PTRH1: variants seen among roughly 807,000 people sequenced by gnomAD.
The protein encoded by PTRH1 is peptidyl-tRNA hydrolase.
In PTRH1, 13 loss-of-function variants were observed where a neutral mutation model predicts 15.7. That is an observed-to-expected ratio of 0.83 (90% CI 0.54 to 1.31). PTRH1 has a LOEUF of 1.31. Among genes scored for constraint, PTRH1 ranks in the 40% most tolerant of loss-of-function variants. The probability of loss-of-function intolerance (pLI) is 0.00; values close to 1 mark genes in which losing one functional copy is unlikely to be tolerated. For synonymous variants in PTRH1, 139 were observed against 136.7 expected, an observed-to-expected ratio of 1.02 and a Z score of -0.12; for missense variants, 319 against 296.2, an observed-to-expected ratio of 1.08 and a Z score of -0.56.
intron 1 of PTRH1, among the ~76,000 whole-genome samples, chr9:127,704,535 GA>G (rs963118840): frequency 2.0e-5 from 3 of 148,382 alleles, no homozygotes; most frequent in Non-Finnish European, 4.5e-5. Context: ...AAAAGAAAAA[GA>G]AAAAAAATGT....
downstream of PTRH1, chr9:127,711,177 A>G: frequency 1.3e-6 from 2 of 1,589,226 alleles, no homozygotes; most frequent in Non-Finnish European, 8.6e-7. Context: ...GGGTGTGCCC[A>G]GGGCTTGTGC....
chr9:127,713,759 G>C, downstream of PTRH1: 1 of 1,249,284 alleles, frequency 8.0e-7, no homozygotes, highest in Non-Finnish European at 1.2e-6. Flanking sequence ...CCCCAGCCTC[G>C]GCCTCCCAAA....
intron 1 of PTRH1, chr9:127,695,327 A>G (rs1026885400): frequency 8.4e-5 from 49 of 580,018 alleles, no homozygotes; most frequent in Non-Finnish European, 1.4e-4. Context: ...AGAGCACATT[A>G]TGGGAGGACA....
intron 3 of PTRH1, 50 bp from the exon 4 acceptor site, chr9:127,714,474 T>A (rs1233556879): frequency 6.2e-7 from 1 of 1,609,428 alleles, no homozygotes; most frequent in Non-Finnish European, 8.5e-7. Flanking sequence ...GGCAGTGTCC[T>A]TCCACCCCTC....
intron 1 of PTRH1, among the ~76,000 whole-genome samples, chr9:127,699,713 G>A (rs1842590090): frequency 6.7e-6 from 1 of 148,222 alleles, no homozygotes; most frequent in Non-Finnish European, 1.5e-5. Context: ...TGGGCTATCA[G>A]GGGAAAAAAA....
chr9:127,696,456 A>T (rs1842560546), intron 1 of PTRH1, among the ~76,000 whole-genome samples: 1 of 152,204 alleles, frequency 6.6e-6, no homozygotes, highest in African/African-American at 2.4e-5. Context: ...ACACATGGGG[A>T]AGCAAAACCA....
chr9:127,699,450 G>A (rs554638895), intron 1 of PTRH1, among the ~76,000 whole-genome samples: 2 of 152,230 alleles, frequency 1.3e-5, no homozygotes, highest in Admixed American at 6.5e-5. Flanking sequence ...GCTAGTAAGC[G>A]TCTACTAGCC....
chr9:127,712,983 G>A (rs370617973), downstream of PTRH1: 16 of 1,604,572 alleles, frequency 1.0e-5, no homozygotes, highest in South Asian at 4.5e-5. Flanking sequence ...AACCTGGCTC[G>A]CCGAAGGCTC....
intron 1 of PTRH1, among the ~76,000 whole-genome samples, chr9:127,704,095 G>A (rs1294098198): frequency 2.0e-5 from 3 of 152,180 alleles, no homozygotes; most frequent in East Asian, 1.9e-4. Context: ...AAACTTCCAC[G>A]ACACAGAGCT....
chr9:127,703,046 C>T (rs567055167), intron 1 of PTRH1, among the ~76,000 whole-genome samples: 1 of 151,996 alleles, frequency 6.6e-6, no homozygotes, highest in South Asian at 2.1e-4. Flanking sequence ...ATAACCAATC[C>T]ACTTTTTGTT....
intron 1 of PTRH1, among the ~76,000 whole-genome samples, chr9:127,696,536 C>T (rs1293508373): frequency 6.6e-6 from 1 of 152,234 alleles, no homozygotes; most frequent in East Asian, 1.9e-4. Context: ...TAAACACAGC[C>T]GTCTGACTCC....
downstream of PTRH1, chr9:127,712,680 G>A (rs538167990): frequency 3.1e-6 from 5 of 1,614,006 alleles, no homozygotes; most frequent in South Asian, 5.5e-5. Context: ...GCCACTGTGG[G>A]CCTGCTGCCA....
At chr9:127,709,830 C>A, downstream of PTRH1, 1 of 1,041,864 alleles carries the variant, frequency 9.6e-7, no homozygotes, top group Non-Finnish European at 1.4e-6. The surrounding 1 kb of genome is among the most constrained non-coding windows in gnomAD (Gnocchi z 4.7). Context: ...TCCCAGCAAT[C>A]CTACGAAGCT....
downstream of PTRH1, chr9:127,711,441 AG>A: frequency 6.2e-7 from 1 of 1,614,084 alleles, no homozygotes; most frequent in Admixed American, 1.7e-5. Flanking sequence ...AAACAGCTGG[AG>A]CTGCTGGAGA....
At chr9:127,714,819 C>A in intron 2 of PTRH1, 117 bp from the exon 3 acceptor site, 2 of 1,084,656 alleles carry the variant, frequency 1.8e-6, no homozygotes, top group East Asian at 2.6e-5. Context: ...GAAACTGAGG[C>A]CCCCCGAAGT....
At chr9:127,714,788 T>G in intron 2 of PTRH1, 86 bp from the exon 3 acceptor site, 1 of 1,206,558 alleles carries the variant, frequency 8.3e-7, no homozygotes, top group Admixed American at 2.0e-5. Context: ...GGACCACAAC[T>G]AATCCCACTT....
downstream of PTRH1, chr9:127,712,452 TTTCCC>T: frequency 6.7e-7 from 1 of 1,502,966 alleles, no homozygotes; most frequent in Non-Finnish European, 9.0e-7. Context: ...AGGCCCCTCT[TTTCCC>T]TGAGAGACTC....
intron 1 of PTRH1, among the ~76,000 whole-genome samples, chr9:127,699,540 C>A (rs1842588586): frequency 6.6e-6 from 1 of 151,942 alleles, no homozygotes. Context: ...GGCTGGCTTT[C>A]CGAGGCGGGG....
downstream of PTRH1, chr9:127,711,603 G>A: frequency 7.1e-7 from 1 of 1,417,444 alleles, no homozygotes; most frequent in Non-Finnish European, 9.5e-7. Context: ...GAGGGAGGGA[G>A]GCAGCAGAGA....
Sources: allele counts gnomAD v4.1 joint callset (sites outside exome capture counted in the v4.1 genomes callset), GRCh38; gene constraint gnomAD v4.1.1; non-coding constraint Gnocchi (gnomAD v3.1); transcripts MANE v1.5; gene names NCBI Gene and HGNC (gene_info 2026-07-23, HGNC 2026-07-21).